Variants in NUP210L observed in about 807,000 individuals in gnomAD.
The protein encoded by NUP210L is nuclear pore membrane glycoprotein 210-like.
In NUP210L, 74 loss-of-function variants were observed where a neutral mutation model predicts 208.5. The observed-to-expected ratio is 0.35, with a 90% confidence interval of 0.29 to 0.43. NUP210L has a LOEUF of 0.43. Ranked by LOEUF, NUP210L falls within the 20% of genes least tolerant of loss-of-function variation. NUP210L has a pLI of 1.00. For missense variants in NUP210L, 1,843 were observed against 2,289.4 expected, an observed-to-expected ratio of 0.81 and a Z score of 3.98; for synonymous variants, 780 against 816.9, an observed-to-expected ratio of 0.95 and a Z score of 0.77.
At chr1:154,007,278 T>C (rs1003443749) in intron 35 of NUP210L, among the ~76,000 whole-genome samples, 1 of 151,790 alleles carries the variant, frequency 6.6e-6, no homozygotes, top group African/African-American at 2.4e-5. Context: ...TATATTTTTT[T>C]TGAGACAGAT....
At chr1:154,152,501 T>A (rs1337503189) in intron 2 of NUP210L, among the ~76,000 whole-genome samples, 1 of 144,384 alleles carries the variant, frequency 6.9e-6, no homozygotes, top group Non-Finnish European at 1.5e-5. Flanking sequence ...TTTGTAGAGA[T>A]AGGTCTCACT....
chr1:154,123,844 C>G (rs951645452), intron 10 of NUP210L, among the ~76,000 whole-genome samples: 1 of 150,956 alleles, frequency 6.6e-6, no homozygotes, highest in African/African-American at 2.4e-5. Flanking sequence ...TGCCACTGCA[C>G]TCCAGCCTAG....
At chr1:154,054,463 T>A in intron 24 of NUP210L, 56 bp from the exon 25 acceptor site, 1 of 1,546,410 alleles carries the variant, frequency 6.5e-7, no homozygotes, top group Admixed American at 1.7e-5. Flanking sequence ...ATCATGTCTC[T>A]TTTCCCAACA....
intron 16 of NUP210L, among the ~76,000 whole-genome samples, chr1:154,071,683 T>C (rs1654740678): frequency 6.9e-6 from 1 of 143,936 alleles, no homozygotes; most frequent in Admixed American, 7.4e-5. Context: ...TCACCCAGGC[T>C]GGAGTGCAGT....
intron 23 of NUP210L, among the ~76,000 whole-genome samples, chr1:154,055,116 T>C (rs1259553821): frequency 7.4e-6 from 1 of 135,096 alleles, no homozygotes; most frequent in East Asian, 2.2e-4. Flanking sequence ...TTCTTTCTCT[T>C]TCTTTCTTTT....
rs1434280038 is a variant in NUP210L at position 154,152,007 on chromosome 1, T to G, written c.340+729A>C. Among the ~76,000 whole-genome samples, 5 of 144,838 alleles carry G rather than the reference T, an allele frequency of 3.5e-5. No homozygotes were observed. The Admixed American group carries it at 3.6e-4, about 10-fold the overall frequency. On this transcript the variant is annotated intron_variant, in intron 2 of 39. Coordinates refer to ENST00000368559, the Ensembl canonical transcript of NUP210L. ...CAAGAGGCTGAGCCAGGAGAATCGC[T>G]TGAACCTGGGAGACAGAGGTTACAG...
intron 16 of NUP210L, among the ~76,000 whole-genome samples, chr1:154,075,688 T>C (rs925324009): frequency 7.2e-5 from 11 of 152,042 alleles, no homozygotes; most frequent in Non-Finnish European, 1.3e-4. Flanking sequence ...TTATTAGAAA[T>C]GTAAAGAAAT....
intron 27 of NUP210L, among the ~76,000 whole-genome samples, chr1:154,044,066 C>G (rs965795224): frequency 1.3e-5 from 2 of 152,150 alleles, no homozygotes; most frequent in African/African-American, 4.8e-5. Context: ...GAATAGAGGC[C>G]AAGGCCTAGC....
At chr1:154,094,406 C>T (rs558931314) in intron 15 of NUP210L, among the ~76,000 whole-genome samples, 18 of 151,950 alleles carry the variant, frequency 1.2e-4, no homozygotes, top group Non-Finnish European at 2.2e-4. Context: ...TGCAGTGAGC[C>T]GAGATCGTGC....
intron 33 of NUP210L, 118 bp from the exon 34 acceptor site, chr1:154,012,488 C>T (rs1422377362): frequency 2.3e-6 from 2 of 881,962 alleles, no homozygotes; most frequent in Non-Finnish European, 3.4e-6. Flanking sequence ...GTACAGATTC[C>T]ATCTCATGAC....
rs1024703476 is a variant in NUP210L at position 154,103,159 on chromosome 1, T to G, written c.1819+853A>C. Among the ~76,000 whole-genome samples, 50 of 143,856 alleles carry G rather than the reference T, an allele frequency of 3.5e-4. 1 individual carries two copies. Among genetic ancestry groups the G allele is most frequent in the African/African-American group, 1.3e-3 (50 of 38,430 alleles). The allele number at this position is 143,856 out of a possible 152,430, so 94.4% of individuals were successfully genotyped here. ...CTGTAATCCCAGCACTTTGGGAGGC[T>G]GAGGCGGGCAGATCACCTGAGGTCA... On this transcript the variant is annotated intron_variant, in intron 13 of 39. Transcript: ENST00000368559.
chr1:154,027,080 CAAAAAAAAAAAAAAAACAAAAA>C (rs1412831082), intron 29 of NUP210L, among the ~76,000 whole-genome samples: 2 of 101,754 alleles, frequency 2.0e-5, no homozygotes, highest in African/African-American at 8.6e-5. Context: ...GAGACTGTCT[CAAAAAAAAAAAAAAAACAAAAA>C]AAAAAAAACA....
At chr1:154,137,904 A>G (rs1261935418) in intron 6 of NUP210L, among the ~76,000 whole-genome samples, 3 of 152,162 alleles carry the variant, frequency 2.0e-5, no homozygotes, top group Non-Finnish European at 4.4e-5. Flanking sequence ...TTGGCACCGA[A>G]GCTAAGCAGC....
chr1:154,042,785 A>G (rs1652959445), intron 27 of NUP210L, among the ~76,000 whole-genome samples: 1 of 149,782 alleles, frequency 6.7e-6, no homozygotes, highest in Admixed American at 6.7e-5. Context: ...CAGTGGTGCA[A>G]TCTCGGCTCA....
intron 25 of NUP210L, among the ~76,000 whole-genome samples, chr1:154,050,502 T>C (rs1653429429): frequency 6.6e-6 from 1 of 150,436 alleles, no homozygotes; most frequent in South Asian, 2.1e-4. Flanking sequence ...CAGGACTTAG[T>C]AGAATGTTTT....
At chr1:153,992,806 C>T (rs1649537988) in exon 40 of NUP210L, 2 of 1,438,478 alleles carry the variant, frequency 1.4e-6, no homozygotes, top group Non-Finnish European at 1.9e-6. Flanking sequence ...CATTCCCCTG[C>T]AGTTAAGAGA....
intron 25 of NUP210L, among the ~76,000 whole-genome samples, chr1:154,049,213 G>A (rs1220111281): frequency 3.3e-5 from 5 of 152,124 alleles, no homozygotes; most frequent in South Asian, 4.2e-4. Context: ...CATTGTGAAG[G>A]GCCCAATGGA....
intron 25 of NUP210L, 66 bp downstream of exon 25, chr1:154,054,162 C>A: frequency 6.5e-7 from 1 of 1,541,792 alleles, no homozygotes; most frequent in Middle Eastern, 1.7e-4. Context: ...ACCACTGCCT[C>A]CCTATCTCCC....
At chr1:154,087,668 C>T (rs889524083) in intron 16 of NUP210L, among the ~76,000 whole-genome samples, 6 of 152,076 alleles carry the variant, frequency 3.9e-5, no homozygotes, top group African/African-American at 1.4e-4. Flanking sequence ...TTCATAATAG[C>T]CAAAGGTGGA....
Sources: allele counts gnomAD v4.1 joint callset (sites outside exome capture counted in the v4.1 genomes callset), GRCh38; gene constraint gnomAD v4.1.1; transcripts MANE v1.5; gene names NCBI Gene and HGNC (gene_info 2026-07-23, HGNC 2026-07-21).